The following MEIS2 variants were observed in gnomAD, a reference collection of about 807,000 sequenced individuals.
MEIS2 encodes the protein Meis homeobox 2.
In MEIS2, 9 loss-of-function variants were observed where a neutral mutation model predicts 58.6. That is an observed-to-expected ratio of 0.15 (90% confidence interval 0.09 to 0.27). The LOEUF (loss-of-function observed/expected upper bound fraction) is 0.27, where lower values mean the gene tolerates loss of function less well. Among genes scored for constraint, MEIS2 ranks in the 10% least tolerant of loss-of-function variants. The pLI is 1.00. For missense variants in MEIS2, 427 were observed against 635.0 expected (o/e 0.67, Z 3.52); for synonymous variants, 221 against 228.4 (o/e 0.97, Z 0.29).
intron 8 of MEIS2, among the ~76,000 whole-genome samples, chr15:37,022,636 T>G (rs986374954): frequency 1.3e-5 from 2 of 152,152 alleles, no homozygotes; most frequent in East Asian, 1.9e-4. Flanking sequence ...TTTTATTCAC[T>G]TCATTGTTTT....
At chr15:37,039,245 G>A (rs2062305960) in intron 7 of MEIS2, among the ~76,000 whole-genome samples, 1 of 152,174 alleles carries the variant, frequency 6.6e-6, no homozygotes, top group African/African-American at 2.4e-5. Context: ...CTATCTGAAT[G>A]TACATTTCAG....
intron 8 of MEIS2, among the ~76,000 whole-genome samples, chr15:36,983,448 T>C (rs969117056): frequency 2.0e-5 from 3 of 152,130 alleles, no homozygotes; most frequent in African/African-American, 7.2e-5. Context: ...GAGGATTAAT[T>C]GACTGTAAGT....
At chr15:36,905,559 A>G (rs2056691833) in intron 9 of MEIS2, among the ~76,000 whole-genome samples, 1 of 152,174 alleles carries the variant, frequency 6.6e-6, no homozygotes, top group South Asian at 2.1e-4. Flanking sequence ...TGGCATGGGA[A>G]GAGGGCGGAA....
chr15:36,935,643 T>C (rs986563357), intron 9 of MEIS2, among the ~76,000 whole-genome samples: 4 of 152,180 alleles, frequency 2.6e-5, no homozygotes, highest in Admixed American at 1.3e-4. Flanking sequence ...ATTTTTTTCT[T>C]TCTGAGATAA....
Position 37,092,696 on chromosome 15 carries a change from C to CTTT in MEIS2, c.639+882_639+884dup, listed in dbSNP as rs1018906546. 5.2e-4 allele frequency among the ~76,000 whole-genome samples: 20 copies of CTTT among 38,730 alleles called. 10 individuals are homozygous for CTTT. The highest frequency in any genetic ancestry group is 6.0e-4 in the Non-Finnish European group (12 of 20,142). The allele number at this position is 38,730 out of a possible 152,430, so 25.4% of individuals were successfully genotyped here. A position where few individuals can be genotyped will look rare whatever the true frequency, so the allele number is the denominator to read the frequency against. On this transcript the variant is annotated intron_variant, in intron 6 of 11. Transcript: ENST00000561208. ...CAAATTTTCAGTCTCACTACATATG[C>CTTT]TTTTTTTTTTTTTTTTTTTTTTTTT...
chr15:37,015,452 A>G (rs1455541368), intron 8 of MEIS2, among the ~76,000 whole-genome samples: 1 of 141,400 alleles, frequency 7.1e-6, no homozygotes, highest in Admixed American at 7.1e-5. Context: ...GCAGGAGTAT[A>G]TCCACACACA....
chr15:36,997,097 T>G (rs1012153647), intron 8 of MEIS2, among the ~76,000 whole-genome samples: 3 of 152,192 alleles, frequency 2.0e-5, no homozygotes, highest in Non-Finnish European at 4.4e-5. Flanking sequence ...TCGGGAAATA[T>G]AGGTTCTATT....
chr15:36,934,395 C>A (rs369632405), intron 9 of MEIS2, among the ~76,000 whole-genome samples: 4 of 152,004 alleles, frequency 2.6e-5, no homozygotes, highest in East Asian at 1.9e-4. Context: ...AAGTACTGTG[C>A]AAATCAATAC....
At chr15:37,072,444 T>C (rs1245835929) in intron 7 of MEIS2, among the ~76,000 whole-genome samples, 1 of 152,102 alleles carries the variant, frequency 6.6e-6, no homozygotes, top group Non-Finnish European at 1.5e-5. Context: ...CATAAGCTTC[T>C]TAGTGTGGTA....
At chr15:37,096,189 T>A in intron 3 of MEIS2, 100 bp downstream of exon 3, 1 of 1,307,114 alleles carries the variant, frequency 7.7e-7, no homozygotes, top group South Asian at 1.5e-5. Flanking sequence ...GAGGAACAGA[T>A]AGGGTGTCCC....
chr15:36,932,515 G>T (rs1479747619), intron 9 of MEIS2, among the ~76,000 whole-genome samples: 1 of 151,750 alleles, frequency 6.6e-6, no homozygotes, highest in Non-Finnish European at 1.5e-5. Flanking sequence ...CTTTTTTTAA[G>T]ATTAGTTAAC....
At chr15:37,063,184 G>A (rs1889456806) in intron 7 of MEIS2, among the ~76,000 whole-genome samples, 1 of 152,150 alleles carries the variant, frequency 6.6e-6, no homozygotes, top group Admixed American at 6.6e-5. Context: ...TCTGACAACA[G>A]GTATCTAAGA....
intron 8 of MEIS2, among the ~76,000 whole-genome samples, chr15:37,003,852 C>T (rs1000348585): frequency 1.1e-4 from 16 of 152,186 alleles, no homozygotes; most frequent in Non-Finnish European, 2.2e-4. Context: ...TCCCTCACCC[C>T]TTCTGCCATA....
At chr15:36,991,160 C>T (rs2060258346) in intron 8 of MEIS2, among the ~76,000 whole-genome samples, 1 of 152,132 alleles carries the variant, frequency 6.6e-6, no homozygotes, top group Admixed American at 6.5e-5. Flanking sequence ...AAGCATCAGA[C>T]TAAAGCAAAA....
chr15:37,071,175 T>C (rs1443454487), intron 7 of MEIS2, among the ~76,000 whole-genome samples: 2 of 152,122 alleles, frequency 1.3e-5, no homozygotes, highest in South Asian at 2.1e-4. Context: ...AGGCCTCCTA[T>C]ATTATTGTAG....
chr15:37,068,228 T>G (rs544887004), intron 7 of MEIS2, among the ~76,000 whole-genome samples: 1 of 152,332 alleles, frequency 6.6e-6, no homozygotes, highest in East Asian at 1.9e-4. Flanking sequence ...ATTTGAGTTT[T>G]GAATTATAAT....
intron 7 of MEIS2, among the ~76,000 whole-genome samples, chr15:37,069,943 G>C (rs1174522625): frequency 6.6e-6 from 1 of 152,060 alleles, no homozygotes; most frequent in Non-Finnish European, 1.5e-5. Context: ...AGGAAAGATT[G>C]TTGTTTTCTC....
At chr15:36,905,994 G>A (rs567559266) in intron 9 of MEIS2, among the ~76,000 whole-genome samples, 2 of 152,170 alleles carry the variant, frequency 1.3e-5, no homozygotes, top group African/African-American at 2.4e-5. Flanking sequence ...CAAATTCTTG[G>A]AGGAAGAAAG....
Position 36,892,552 on chromosome 15 carries a change from CAACA to C in MEIS2, c.1148-97_1148-94del, listed in dbSNP as rs2055930024. 7 of 864,840 alleles carry C rather than the reference CAACA, an allele frequency of 8.1e-6. No homozygotes were observed. The South Asian group carries it at 1.2e-4, about 15-fold the overall frequency. The allele number at this position is 864,840 out of a possible 1,614,324, so 53.6% of individuals were successfully genotyped here. On this transcript the variant is annotated intron_variant, in intron 11 of 11. Transcript: ENST00000561208. The stretch of plus-strand genomic sequence containing the variant: ...GATGAAAAGAAAAAAAAAAAAAAAA[CAACA>C]GACACTGCAAATCTTATACCTAAAT...
Sources: allele counts gnomAD v4.1 joint callset (sites outside exome capture counted in the v4.1 genomes callset), GRCh38; gene constraint gnomAD v4.1.1; transcripts MANE v1.5; gene names NCBI Gene and HGNC (gene_info 2026-07-23, HGNC 2026-07-21).